The following NT5C2 variants were observed in gnomAD, a reference collection of about 807,000 sequenced individuals.
NT5C2 encodes 5'-nucleotidase, cytosolic II, also known as cytosolic purine 5'-nucleotidase.
NT5C2 carries 58 observed loss-of-function variants against 76.1 expected under a neutral mutation model. That is an observed-to-expected ratio of 0.76 (90% CI 0.62 to 0.95). The LOEUF is 0.95. NT5C2 is among the 40% of genes least tolerant of loss of function. The probability of loss-of-function intolerance (pLI) is 0.00; values close to 1 mark genes in which losing one functional copy is unlikely to be tolerated. For synonymous variants in NT5C2, 229 were observed against 237.4 expected (o/e 0.96, Z 0.32); for missense variants, 478 against 690.3 (o/e 0.69, Z 3.45).
At position 103,135,702 on chromosome 10, in the gene NT5C2, C is replaced by T. The variant is rs183086027; in HGVS notation, c.175+3704G>A. 1.3e-4 allele frequency among the ~76,000 whole-genome samples: 19 copies of T among 151,952 alleles called. No homozygotes were observed. In the East Asian group the frequency reaches 3.3e-3, roughly 26 times the overall value. On this transcript the variant is annotated intron_variant, in intron 4 of 18. Transcript: ENST00000404739. ...ACTCAGGAGGCTGAGGCAGGAGAAT[C>T]GATTGAACCCAGGAGGCGGAGGTTG...
chr10:103,106,869 T>C (rs1307061595), intron 4 of NT5C2, among the ~76,000 whole-genome samples, 163 bp from the exon 5 acceptor site: 1 of 152,184 alleles, frequency 6.6e-6, no homozygotes, highest in Non-Finnish European at 1.5e-5. Flanking sequence ...CCCAAGTAAT[T>C]AGAGAACTCA....
intron 3 of NT5C2, among the ~76,000 whole-genome samples, chr10:103,157,661 A>C (rs894529787): frequency 2.6e-5 from 4 of 152,188 alleles, no homozygotes; most frequent in Admixed American, 2.6e-4. Context: ...AAGCATAGAG[A>C]TTATTCAAGA....
intron 1 of NT5C2, among the ~76,000 whole-genome samples, chr10:103,182,850 A>C (rs1283007189): frequency 6.6e-6 from 1 of 152,220 alleles, no homozygotes. Context: ...CAAAAGTTAA[A>C]GCTATATCCT....
chr10:103,141,303 C>A (rs920286081), intron 3 of NT5C2, among the ~76,000 whole-genome samples: 2 of 151,934 alleles, frequency 1.3e-5, no homozygotes, highest in Admixed American at 6.6e-5. Flanking sequence ...ACAAAAAATA[C>A]AAAAATCAGC....
Position 103,095,916 on chromosome 10 carries a change from G to A in NT5C2, c.813+23C>T, listed in dbSNP as rs780001952. The A allele has an allele frequency of 3.3e-5, 52 of 1,593,248 alleles. 1 individual carries two copies. The African/African-American group carries it at 3.5e-4, about 11-fold the overall frequency. On this transcript the variant is annotated intron_variant, in intron 12 of 18. Transcript: ENST00000404739. Reference sequence around the variant, plus strand: ...TGCATTCATTGTTATTAAAGCAGTGGTCTATTGAGTCACATACGGTACCTT... The same window carrying A: ...TGCATTCATTGTTATTAAAGCAGTGATCTATTGAGTCACATACGGTACCTT...
chr10:103,140,674 T>C (rs2080245158), intron 3 of NT5C2, among the ~76,000 whole-genome samples: 1 of 152,228 alleles, frequency 6.6e-6, no homozygotes, highest in African/African-American at 2.4e-5. Flanking sequence ...TGTTCCCTTT[T>C]CATGCATCAT....
chr10:103,190,629 C>T (rs1221659843), intron 1 of NT5C2, among the ~76,000 whole-genome samples: 1 of 152,134 alleles, frequency 6.6e-6, no homozygotes, highest in Non-Finnish European at 1.5e-5. Flanking sequence ...CTGAGTTCCC[C>T]GAGGTTGCAT....
chr10:103,108,016 G>A (rs559992741), intron 4 of NT5C2, among the ~76,000 whole-genome samples: 44 of 152,150 alleles, frequency 2.9e-4, no homozygotes, highest in Admixed American at 9.8e-4. Flanking sequence ...TTAGTTGGAC[G>A]TTGTGGCGGG....
At chr10:103,100,837 C>T (rs2069415285) in intron 8 of NT5C2, 1 of 671,768 alleles carries the variant, frequency 1.5e-6, no homozygotes, top group Non-Finnish European at 2.7e-6. Flanking sequence ...CTGCAGCACA[C>T]TGGCAAGGAG....
At chr10:103,164,745 G>A (rs567110450) in intron 3 of NT5C2, among the ~76,000 whole-genome samples, 1 of 152,212 alleles carries the variant, frequency 6.6e-6, no homozygotes, top group East Asian at 1.9e-4. Context: ...TACCCTTTAA[G>A]GTGAAATACA....
chr10:103,162,430 T>C (rs1195642922), intron 3 of NT5C2, among the ~76,000 whole-genome samples: 1 of 152,224 alleles, frequency 6.6e-6, no homozygotes, highest in Non-Finnish European at 1.5e-5. Flanking sequence ...GAGGATCTTC[T>C]GCAAATGGCT....
chr10:103,162,167 C>A (rs1364495413), intron 3 of NT5C2, among the ~76,000 whole-genome samples: 1 of 152,046 alleles, frequency 6.6e-6, no homozygotes, highest in Non-Finnish European at 1.5e-5. Context: ...AGGCACGCAC[C>A]ACCACGCCCA....
chr10:103,190,087 G>A (rs1281858178), intron 1 of NT5C2, among the ~76,000 whole-genome samples: 1 of 134,584 alleles, frequency 7.4e-6, no homozygotes, highest in South Asian at 2.4e-4. Context: ...TGCAACCTCC[G>A]CCTCCTGGGT....
rs1206223431 is a variant in NT5C2 at position 103,193,230 on chromosome 10, A to T, written c.-169+6T>A. ...CCCGCCCGCCCACGGGGCCCGCCGC[A>T]CTCACCGGCTCCAGCGCACCGCAAC... On this transcript the variant is annotated splice_donor_region_variant and intron_variant, in intron 1 of 18. Transcript: ENST00000404739. 6.7e-6 allele frequency: 1 copy of T among 150,180 alleles called. No individual in the cohort carries two copies. The highest frequency in any genetic ancestry group is 1.5e-5 in the Non-Finnish European group (1 of 67,350). The allele number at this position is 150,180 out of a possible 1,614,324, so 9.3% of individuals were successfully genotyped here.
intron 2 of NT5C2, among the ~76,000 whole-genome samples, chr10:103,176,353 TC>T (rs2089943947): frequency 6.6e-6 from 1 of 152,010 alleles, no homozygotes; most frequent in Admixed American, 6.6e-5. Context: ...CCTACCTCCC[TC>T]CCTGTCCCCA....
chr10:103,167,968 C>T (rs1248234194), intron 3 of NT5C2, among the ~76,000 whole-genome samples: 1 of 152,062 alleles, frequency 6.6e-6, no homozygotes, highest in East Asian at 1.9e-4. Flanking sequence ...GCCATAAGTA[C>T]TAGCAAAATT....
intron 3 of NT5C2, chr10:103,153,506 G>C: frequency 1.0e-6 from 1 of 985,126 alleles, no homozygotes; most frequent in Non-Finnish European, 1.2e-6. Context: ...GAAAACTTAA[G>C]AATAATTTTT....
chr10:103,128,044 T>TCTCTCCCTCTCCCTCTCC (rs71019659), intron 4 of NT5C2, among the ~76,000 whole-genome samples: 31 of 138,624 alleles, frequency 2.2e-4, no homozygotes, highest in East Asian at 1.2e-3. Context: ...AATGATCCGG[T>TCTCTCCCTCTCCCTCTCC]CTCTCCCTCT....
chr10:103,115,307 C>A (rs1367148710), intron 4 of NT5C2, among the ~76,000 whole-genome samples: 1 of 152,080 alleles, frequency 6.6e-6, no homozygotes, highest in Non-Finnish European at 1.5e-5. Flanking sequence ...GAGGCTGAGG[C>A]AGGAGAATTG....
Sources: gnomAD v4.1 joint callset for allele counts (sites outside exome capture counted in the v4.1 genomes callset) on GRCh38, gnomAD v4.1.1 for gene constraint, MANE v1.5 for transcripts, NCBI Gene and HGNC (gene_info 2026-07-23, HGNC 2026-07-21) for gene names.